The following PTPRD variants were observed in gnomAD, a reference collection of about 807,000 sequenced individuals.
PTPRD encodes the protein protein tyrosine phosphatase receptor type D, also known as receptor-type tyrosine-protein phosphatase delta.
In PTPRD, 34 loss-of-function variants were observed where a neutral mutation model predicts 214.5. The ratio of observed to expected loss-of-function variants is 0.16; its 90% CI spans 0.12 to 0.21. PTPRD has a LOEUF of 0.21. Among genes scored for constraint, PTPRD ranks in the 10% least tolerant of loss-of-function variants. PTPRD has a pLI of 1.00. For synonymous variants in PTPRD, 1,128 were observed against 845.7 expected, an observed-to-expected ratio of 1.33 and a Z score of -5.79; for missense variants, 2,545 against 2,398.7, an observed-to-expected ratio of 1.06 and a Z score of -1.27.
intron 8 of PTPRD, among the ~76,000 whole-genome samples, chr9:9,429,449 C>T (rs970327218): frequency 1.3e-5 from 2 of 152,102 alleles, no homozygotes; most frequent in Non-Finnish European, 1.5e-5. Flanking sequence ...CAGATGGATT[C>T]ACAGCTGAAT....
At chr9:8,621,022 T>C (rs1409520124) in intron 14 of PTPRD, among the ~76,000 whole-genome samples, 3 of 152,048 alleles carry the variant, frequency 2.0e-5, no homozygotes, top group East Asian at 3.9e-4. Flanking sequence ...TGCAAAAATC[T>C]TATTTTTACA....
intron 2 of PTPRD, among the ~76,000 whole-genome samples, chr9:10,414,216 G>C (rs541981078): frequency 6.6e-6 from 1 of 152,002 alleles, no homozygotes; most frequent in African/African-American, 2.4e-5. Context: ...TCTGACAAAG[G>C]TCTAACATCT....
In PTPRD at chr9:9,917,652, G is replaced by A. The variant is rs1332308824; in HGVS notation, c.-368+20855C>T. The stretch of plus-strand genomic sequence containing the variant: ...TATAAAAATAGCTAAACAGAAAACT[G>A]CAAGCCAATAGCCTGATGAACAGAG... On this transcript the variant is annotated intron_variant, in intron 5 of 45. Transcript: ENST00000381196. 1.3e-5 allele frequency among the ~76,000 whole-genome samples: 2 copies of A among 151,822 alleles called. 1 individual carries two copies. The highest frequency in any genetic ancestry group is 4.1e-4 in the South Asian group (2 of 4,830).
chr9:9,422,914 C>T (rs975422223), intron 8 of PTPRD, among the ~76,000 whole-genome samples: 2 of 152,060 alleles, frequency 1.3e-5, no homozygotes, highest in East Asian at 1.9e-4. Context: ...TTGTTACAGA[C>T]ACAAAAATTA....
chr9:9,888,178 A>G (rs1482219186), intron 5 of PTPRD, among the ~76,000 whole-genome samples: 1 of 152,180 alleles, frequency 6.6e-6, no homozygotes, highest in African/African-American at 2.4e-5. Context: ...CAAATGGTGG[A>G]AAGTGTGAAA....
chr9:10,053,578 C>A (rs575392516), intron 3 of PTPRD, among the ~76,000 whole-genome samples: 2 of 152,178 alleles, frequency 1.3e-5, no homozygotes, highest in South Asian at 2.1e-4. Context: ...GAAACAATGA[C>A]CTCATAAATG....
chr9:10,602,640 T>G (rs2133414120), intron 2 of PTPRD, among the ~76,000 whole-genome samples: 1 of 151,844 alleles, frequency 6.6e-6, no homozygotes, highest in East Asian at 2.0e-4. Context: ...TGTGACGCAG[T>G]GGTGTAAATA....
At chr9:9,303,045 G>A (rs941074478) in intron 9 of PTPRD, among the ~76,000 whole-genome samples, 2 of 151,890 alleles carry the variant, frequency 1.3e-5, no homozygotes, top group Non-Finnish European at 2.9e-5. Flanking sequence ...CATAAGAGAA[G>A]ACCTTTTCTT....
intron 35 of PTPRD, among the ~76,000 whole-genome samples, chr9:8,405,228 T>A (rs2092845542): frequency 6.6e-6 from 1 of 152,172 alleles, no homozygotes; most frequent in Non-Finnish European, 1.5e-5. Context: ...TTTAAATAGT[T>A]AACACGAACA....
intron 14 of PTPRD, among the ~76,000 whole-genome samples, chr9:8,603,114 T>C (rs537367804): frequency 1.3e-5 from 2 of 152,338 alleles, no homozygotes; most frequent in East Asian, 3.9e-4. Context: ...TTTGTATTCA[T>C]GGAAGTATAC....
chr9:9,215,408 C>T (rs930371604), intron 9 of PTPRD, among the ~76,000 whole-genome samples: 5 of 152,062 alleles, frequency 3.3e-5, no homozygotes, highest in Admixed American at 2.0e-4. Context: ...AAATACCCTG[C>T]CTACCACACA....
At chr9:9,678,274 C>A (rs1385646951) in intron 7 of PTPRD, among the ~76,000 whole-genome samples, 2 of 151,926 alleles carry the variant, frequency 1.3e-5, no homozygotes, top group Non-Finnish European at 2.9e-5. Context: ...AATCTTAAGC[C>A]AAAAGAAGAA....
chr9:9,869,520 C>A (rs1276158057), intron 5 of PTPRD, among the ~76,000 whole-genome samples: 1 of 152,028 alleles, frequency 6.6e-6, no homozygotes, highest in Non-Finnish European at 1.5e-5. Context: ...GGATTTGTCC[C>A]ACATTCAGAT....
chr9:10,030,653 G>A (rs2097045207), intron 4 of PTPRD, among the ~76,000 whole-genome samples: 1 of 152,192 alleles, frequency 6.6e-6, no homozygotes, highest in Admixed American at 6.5e-5. Flanking sequence ...CTGGTGATGG[G>A]TGAGAAAAAG....
At chr9:8,806,302 G>C (rs952526458) in intron 11 of PTPRD, among the ~76,000 whole-genome samples, 4 of 151,608 alleles carry the variant, frequency 2.6e-5, no homozygotes, top group African/African-American at 9.7e-5. Flanking sequence ...ATTAATGTGT[G>C]CATAAATATC....
chr9:10,386,154 T>A (rs966696004), intron 2 of PTPRD, among the ~76,000 whole-genome samples: 2 of 151,902 alleles, frequency 1.3e-5, no homozygotes, highest in African/African-American at 4.8e-5. Context: ...ATAAAATACA[T>A]AGAGTCAAGC....
At chr9:8,829,675 G>C (rs1396908918) in intron 11 of PTPRD, among the ~76,000 whole-genome samples, 1 of 152,090 alleles carries the variant, frequency 6.6e-6, no homozygotes, top group Non-Finnish European at 1.5e-5. Flanking sequence ...CGGTTACTAG[G>C]AAGATAGTAC....
chr9:9,283,594 G>A (rs1430590768), intron 9 of PTPRD, among the ~76,000 whole-genome samples: 2 of 151,498 alleles, frequency 1.3e-5, no homozygotes, highest in African/African-American at 2.4e-5. Context: ...TATCTGCTTA[G>A]TATAAGTCTG....
intron 7 of PTPRD, among the ~76,000 whole-genome samples, chr9:9,588,763 T>C (rs937247364): frequency 6.6e-6 from 1 of 151,986 alleles, no homozygotes; most frequent in Admixed American, 6.6e-5. Context: ...TGCATCAATA[T>C]GTTTTCTAAA....
Sources: allele counts gnomAD v4.1 joint callset (sites outside exome capture counted in the v4.1 genomes callset), GRCh38; gene constraint gnomAD v4.1.1; transcripts MANE v1.5; gene names NCBI Gene and HGNC (gene_info 2026-07-23, HGNC 2026-07-21).